ERAP1: variants seen among roughly 807,000 people sequenced by gnomAD.
ERAP1 encodes endoplasmic reticulum aminopeptidase 1.
A neutral mutation model predicts 103.7 loss-of-function variants in ERAP1; 86 were observed. The ratio of observed to expected loss-of-function variants is 0.83; its 90% confidence interval spans 0.70 to 0.99. The LOEUF is 0.99. Ranked by LOEUF, ERAP1 falls within the 50% of genes least tolerant of loss-of-function variation. The pLI, the probability that ERAP1 is intolerant of heterozygous loss-of-function variation, is 0.00. For synonymous variants in ERAP1, 398 were observed against 402.4 expected (o/e 0.99, Z 0.13); for missense variants, 1,009 against 1,128.4 (o/e 0.89, Z 1.52).
rs538176334 is a variant in ERAP1 at position 96,787,802 on chromosome 5, G to T, written c.1679+729C>A. Among the ~76,000 whole-genome samples the T allele has an allele frequency of 5.0e-4, 54 of 108,042 alleles. 1 individual carries two copies. The East Asian group carries it at 0.014, about 27-fold the overall frequency. 70.9% of individuals were successfully genotyped at this position (108,042 alleles called of 152,430 possible). A position where few individuals can be genotyped will look rare whatever the true frequency, so the allele number is the denominator to read the frequency against. ...GTATATATTATATATATATATGTGTGTGTATATATATACACATATATATGT... is the reference window on the plus strand; with the variant it reads ...GTATATATTATATATATATATGTGTTTGTATATATATACACATATATATGT... On this transcript the variant is annotated intron_variant, in intron 11 of 18. Coordinates refer to ENST00000443439, the MANE Select transcript of ERAP1 (RefSeq NM_001040458.3).
At chr5:96,903,311 A>C in the ERAP1 span, 1 of 1,211,050 alleles carries the variant, frequency 8.3e-7, no homozygotes. Flanking sequence ...TAAAAATAAC[A>C]GTTCTGGAGA....
chr5:96,790,639 G>A lies in ERAP1; in HGVS notation c.1325C>T (p.Ala442Val), dbSNP rs1048449332. The A allele has an allele frequency of 1.9e-6, 3 of 1,608,036 alleles. No homozygotes were observed. Among genetic ancestry groups the A allele is most frequent in the African/African-American group, 1.3e-5 (1 of 74,800 alleles). The change falls in exon 9 of 19, where the codon GCT becomes GTT. Residue 442 changes from alanine (A) to valine (V), a missense_variant. By Grantham distance (64) the Ala-to-Val change is moderately conservative. Coordinates refer to ENST00000443439, the MANE Select transcript of ERAP1 (RefSeq NM_001040458.3). ...MFDDVSYDKG[A>V]CILNMLREYL... Reference sequence around the variant, plus strand: ...CTCCCTTAGCATATTCAGAATACAAGCTCCCTGAAAAGATAATAGAAATAA... The same window carrying A: ...CTCCCTTAGCATATTCAGAATACAAACTCCCTGAAAAGATAATAGAAATAA...
At chr5:96,917,072 A>G in the ERAP1 span, among the ~76,000 whole-genome samples, 1 of 152,192 alleles carries the variant, frequency 6.6e-6, no homozygotes, top group East Asian at 1.9e-4. Context: ...TGTAATTTGC[A>G]AGCTCTTTTG....
chr5:96,865,785 A>G, the ERAP1 span, among the ~76,000 whole-genome samples: 10 of 152,174 alleles, frequency 6.6e-5, no homozygotes, highest in Admixed American at 1.3e-4. Context: ...AGCATACTCA[A>G]TAAGGGTTTT....
the ERAP1 span, among the ~76,000 whole-genome samples, chr5:96,842,373 G>A: frequency 1.3e-5 from 2 of 152,272 alleles, no homozygotes; most frequent in East Asian, 1.9e-4. Context: ...ACTGTTTTCC[G>A]TGGCAGTTGT....
chr5:96,905,371 G>A, the ERAP1 span, among the ~76,000 whole-genome samples: 1 of 152,124 alleles, frequency 6.6e-6, no homozygotes, highest in Non-Finnish European at 1.5e-5. Flanking sequence ...TTGAAATTAT[G>A]AGCCTTCTCT....
the ERAP1 span, among the ~76,000 whole-genome samples, chr5:96,858,749 G>C: frequency 6.6e-6 from 1 of 152,070 alleles, no homozygotes; most frequent in Admixed American, 6.6e-5. Context: ...GAAGTCCCCA[G>C]GTTAGATTAA....
chr5:96,901,474 T>C, the ERAP1 span: 6 of 1,608,430 alleles, frequency 3.7e-6, no homozygotes, highest in Non-Finnish European at 4.3e-6. Context: ...GTCTCCTCTC[T>C]CTTGAGTTAT....
At chr5:96,848,882 A>G in the ERAP1 span, 1 of 66,842 alleles carries the variant, frequency 1.5e-5, no homozygotes, top group East Asian at 2.7e-4. Flanking sequence ...AAAATTTTTA[A>G]TAAAATACTA....
chr5:96,867,421 A>C, the ERAP1 span, among the ~76,000 whole-genome samples: 1 of 152,214 alleles, frequency 6.6e-6, no homozygotes, highest in Non-Finnish European at 1.5e-5. Context: ...TTTATAGGTC[A>C]AGAATTTAGA....
the ERAP1 span, chr5:96,886,746 G>T: frequency 6.5e-7 from 1 of 1,535,294 alleles, no homozygotes; most frequent in Non-Finnish European, 8.9e-7. Context: ...TACATAGTTT[G>T]TGATTTCCAC....
chr5:96,767,702 G>A (rs1770496084), intron 19 of ERAP1, among the ~76,000 whole-genome samples: 1 of 152,044 alleles, frequency 6.6e-6, no homozygotes, highest in Admixed American at 6.6e-5. Flanking sequence ...GCTAAGCAAC[G>A]TGTATTAAAG....
At chr5:96,873,428 T>C in the ERAP1 span, 3 of 454,890 alleles carry the variant, frequency 6.6e-6, no homozygotes, top group Admixed American at 7.1e-5. Flanking sequence ...TGAGTGCCAG[T>C]AGACCTACTA....
chr5:96,879,829 G>A, the ERAP1 span: 1 of 1,614,094 alleles, frequency 6.2e-7, no homozygotes, highest in Non-Finnish European at 8.5e-7. Flanking sequence ...ACTTCACTGA[G>A]GATCCTGGGG....
the ERAP1 span, among the ~76,000 whole-genome samples, chr5:96,920,202 GGC>G: frequency 6.6e-6 from 1 of 152,030 alleles, no homozygotes; most frequent in African/African-American, 2.4e-5. Context: ...GTACACGGGA[GGC>G]TGAGGTGAGA....
the ERAP1 span, among the ~76,000 whole-genome samples, chr5:96,886,982 C>T: frequency 1.3e-5 from 2 of 151,026 alleles, no homozygotes; most frequent in East Asian, 3.9e-4. Flanking sequence ...TTAATGTAAG[C>T]CTTCCAAATA....
exon 20 of ERAP1, chr5:96,760,972 C>T (rs1767749526): frequency 6.6e-6 from 1 of 151,882 alleles, no homozygotes; most frequent in Non-Finnish European, 1.5e-5. Context: ...TAAACACTAG[C>T]ATATGTTATA....
the ERAP1 span, chr5:96,892,567 T>G: frequency 8.2e-7 from 1 of 1,218,460 alleles, no homozygotes; most frequent in Non-Finnish European, 1.1e-6. Context: ...GAGGGGAACT[T>G]AGAGACTACT....
chr5:96,886,627 T>G, the ERAP1 span: 2 of 1,473,794 alleles, frequency 1.4e-6, no homozygotes, highest in South Asian at 1.4e-5. Context: ...AGTTTTCAAG[T>G]ACTGATTATT....
Sources: allele counts gnomAD v4.1 joint callset (sites outside exome capture counted in the v4.1 genomes callset), GRCh38; gene constraint gnomAD v4.1.1; transcripts MANE v1.5; gene names NCBI Gene and HGNC (gene_info 2026-07-23, HGNC 2026-07-21).